CYLC2: variants seen among roughly 807,000 people sequenced by gnomAD.
CYLC2 encodes the protein cylicin 2, also known as cylicin-2.
Under a neutral mutation model 26.1 loss-of-function variants are expected in CYLC2, and 30 were observed. The ratio of observed to expected loss-of-function variants is 1.15; its 90% CI spans 0.86 to 1.56. The LOEUF (loss-of-function observed/expected upper bound fraction) is 1.56, where lower values mean the gene tolerates loss of function less well. CYLC2 is among the 40% of genes most tolerant of loss of function. The pLI is 0.00. For missense variants in CYLC2, 498 were observed against 394.4 expected (o/e 1.26, Z -2.23); for synonymous variants, 158 against 132.8 (o/e 1.19, Z -1.31).
chr9:103,002,482 CAG>C (rs1296751689), intron 2 of CYLC2, among the ~76,000 whole-genome samples: 3 of 150,862 alleles, frequency 2.0e-5, no homozygotes, highest in African/African-American at 7.3e-5. Context: ...TCTCCTGCCT[CAG>C]CCTCCTGAGT....
intron 6 of CYLC2, among the ~76,000 whole-genome samples, chr9:103,014,993 ATATACATATTATGTATATTATGTAG>A (rs1829480752): frequency 2.3e-5 from 3 of 132,868 alleles, no homozygotes; most frequent in Admixed American, 8.3e-5. Context: ...AATACATGTA[ATATACATATTATGTATATTATGTAG>A]TATACATAAT....
intron 1 of CYLC2, among the ~76,000 whole-genome samples, chr9:102,998,250 C>T (rs1829256334): frequency 2.0e-5 from 3 of 151,854 alleles, no homozygotes; most frequent in Admixed American, 2.0e-4. Flanking sequence ...AACCTTTTGA[C>T]TTAATAATCA....
At chr9:103,016,139 C>T (rs1224205537) in intron 6 of CYLC2, among the ~76,000 whole-genome samples, 1 of 151,582 alleles carries the variant, frequency 6.6e-6, no homozygotes, top group African/African-American at 2.4e-5. Context: ...TAAGTATAGA[C>T]ATAGAATTTT....
intron 1 of CYLC2, among the ~76,000 whole-genome samples, chr9:102,996,496 T>C (rs1829238792): frequency 6.6e-6 from 1 of 151,918 alleles, no homozygotes; most frequent in Non-Finnish European, 1.5e-5. Flanking sequence ...CTGGTTTTTG[T>C]AGGAGGAAAC....
At chr9:103,007,417 A>G (rs1829363674) in intron 5 of CYLC2, among the ~76,000 whole-genome samples, 1 of 152,158 alleles carries the variant, frequency 6.6e-6, no homozygotes, top group African/African-American at 2.4e-5. Context: ...GGCATATGAA[A>G]GAGCTACTTG....
chr9:103,014,395 A>C (rs1172364103), intron 6 of CYLC2, among the ~76,000 whole-genome samples: 12 of 119,516 alleles, frequency 1.0e-4, no homozygotes, highest in Admixed American at 8.1e-4. Flanking sequence ...GTAATATAAC[A>C]TAATGTATGT....
At chr9:103,015,744 ATG>A (rs1457865204) in intron 6 of CYLC2, among the ~76,000 whole-genome samples, 5 of 149,616 alleles carry the variant, frequency 3.3e-5, no homozygotes, top group Admixed American at 6.7e-5. Context: ...CTTTTATAAA[ATG>A]TGTTTCTTAC....
chr9:103,013,982 T>C (rs1829454497), intron 6 of CYLC2, among the ~76,000 whole-genome samples: 1 of 114,878 alleles, frequency 8.7e-6, no homozygotes, highest in Admixed American at 1.1e-4. Context: ...TATATATTAT[T>C]TAATATGATA....
intron 1 of CYLC2, among the ~76,000 whole-genome samples, chr9:103,000,064 A>AT (rs1275926760): frequency 1.3e-5 from 2 of 151,742 alleles, no homozygotes; most frequent in Non-Finnish European, 1.5e-5. Context: ...GATTTTAAAC[A>AT]TTTTTTATAA....
chr9:103,007,957 G>A (rs1233252237), intron 5 of CYLC2, among the ~76,000 whole-genome samples: 3 of 151,800 alleles, frequency 2.0e-5, no homozygotes, highest in African/African-American at 4.9e-5. Context: ...GTGATCACAC[G>A]TTGTTAGCCT....
At chr9:103,010,612 G>C (rs1441085033) in intron 5 of CYLC2, 1 of 151,986 alleles carries the variant, frequency 6.6e-6, no homozygotes, top group African/African-American at 2.4e-5. Flanking sequence ...TAGCACCACA[G>C]GTTCAGTTTC....
chr9:103,006,017 G>GACACACACACACACACACACACACAC lies in CYLC2; in HGVS notation c.*369_*394dup, dbSNP rs201304746. The GACACACACACACACACACACACACAC allele has an allele frequency of 8.3e-6, 1 of 120,036 alleles. No individual in the cohort carries two copies. The allele number at this position is 120,036 out of a possible 1,614,324, so 7.4% of individuals were successfully genotyped here. ...TGAAGATAATGACACTAAATCTATG[G>GACACACACACACACACACACACACAC]ACACACACACACACACACACACACA... is the stretch of plus-strand genomic sequence containing the variant. On this transcript the variant is annotated 3_prime_UTR_variant, in exon 5 of 8. Coordinates refer to ENST00000374798, the MANE Select transcript of CYLC2 (RefSeq NM_001340.5).
Position 103,002,362 on chromosome 9 carries a change from T to C in CYLC2, c.58+744T>C, listed in dbSNP as rs925174002. ...GGGTGTATAGCATTTGCCCCCTTTT[T>C]TTTTTTTTTTTTTTTTTTTTTGAGA... On this transcript the variant is annotated intron_variant, in intron 2 of 7. Coordinates refer to ENST00000374798, the MANE Select transcript of CYLC2 (RefSeq NM_001340.5). Among the ~76,000 whole-genome samples the C allele has an allele frequency of 6.2e-4, 65 of 104,462 alleles. 1 individual carries two copies. The highest frequency in any genetic ancestry group is 2.4e-3 in the African/African-American group (63 of 26,030). The allele number at this position is 104,462 out of a possible 152,430, so 68.5% of individuals were successfully genotyped here.
At chr9:103,015,869 C>T (rs953363651) in intron 6 of CYLC2, among the ~76,000 whole-genome samples, 5 of 150,116 alleles carry the variant, frequency 3.3e-5, no homozygotes, top group African/African-American at 7.3e-5. Flanking sequence ...CCTCTGTAAC[C>T]AGATAAGATG....
At chr9:103,013,836 T>A (rs939738748) in intron 6 of CYLC2, among the ~76,000 whole-genome samples, 1 of 93,228 alleles carries the variant, frequency 1.1e-5, no homozygotes, top group African/African-American at 4.1e-5. Flanking sequence ...ATATAATATA[T>A]AATAAAGATA....
Position 103,015,740 on chromosome 9 carries a change from T to G in CYLC2, c.*817-1148T>G, listed in dbSNP as rs145178718. On this transcript the variant is annotated intron_variant, in intron 6 of 7. Transcript: ENST00000374798. The stretch of plus-strand genomic sequence containing the variant: ...GTTTTTTAGAATATTTTGCCTTTTA[T>G]AAAATGTGTTTCTTACATCTAGTTT... Among the ~76,000 whole-genome samples, 784 of 149,646 alleles carry G rather than the reference T, an allele frequency of 5.2e-3. 6 individuals carry two copies. The highest frequency in any genetic ancestry group is 0.018 in the African/African-American group (742 of 41,124).
Position 103,005,415 on chromosome 9 carries a change from A to G in CYLC2, c.784A>G (p.Lys262Glu), listed in dbSNP as rs1031614542. Residue 262 changes from lysine to glutamate, a missense_variant, in exon 5 of 8, where the codon AAA (lysine) becomes GAA (glutamate). By Grantham distance (56) the Lys-to-Glu change is moderately conservative. Transcript: ENST00000374798. ...AGGTGATGAATCGAAGGATGCCAAG[A>G]AAGATGCAAAGGAGATTAAAAAAGG... ...NKGDESKDAK[K>E]DAKEIKKGKK... 1 of 1,613,972 alleles carries G rather than the reference A, an allele frequency of 6.2e-7. No homozygotes were observed. The highest frequency in any genetic ancestry group is 8.5e-7 in the Non-Finnish European group (1 of 1,179,960).
chr9:103,012,278 T>C (rs1459847496), intron 6 of CYLC2, among the ~76,000 whole-genome samples, 181 bp downstream of exon 6: 1 of 152,012 alleles, frequency 6.6e-6, no homozygotes, highest in Non-Finnish European at 1.5e-5. Context: ...CAGACAAATA[T>C]ATGAGGCAAA....
At chr9:102,999,679 G>A (rs1829269292) in intron 1 of CYLC2, among the ~76,000 whole-genome samples, 1 of 151,236 alleles carries the variant, frequency 6.6e-6, no homozygotes, top group Non-Finnish European at 1.5e-5. Context: ...AATTACGAAT[G>A]CATATTACTT....
Sources: allele counts gnomAD v4.1 joint callset (sites outside exome capture counted in the v4.1 genomes callset), GRCh38; gene constraint gnomAD v4.1.1; transcripts MANE v1.5; gene names NCBI Gene and HGNC (gene_info 2026-07-23, HGNC 2026-07-21).